PRKCH: variants seen among roughly 807,000 people sequenced by gnomAD.
PRKCH encodes the protein protein kinase C eta type.
Under a neutral mutation model 82.5 loss-of-function variants are expected in PRKCH, and 28 were observed. The ratio of observed to expected loss-of-function variants is 0.34; its 90% CI spans 0.25 to 0.47. The LOEUF is 0.47. Ranked by LOEUF, PRKCH falls within the 20% of genes least tolerant of loss-of-function variation. The pLI is 1.00. For missense variants in PRKCH, 705 were observed against 881.8 expected, an observed-to-expected ratio of 0.80 and a Z score of 2.54; for synonymous variants, 322 against 327.4, an observed-to-expected ratio of 0.98 and a Z score of 0.18.
intron 13 of PRKCH, 86 bp from the exon 14 acceptor site, chr14:61,549,599 C>A: frequency 2.8e-6 from 4 of 1,446,266 alleles, no homozygotes; most frequent in Non-Finnish European, 3.8e-6. Flanking sequence ...CTCCTCTGAA[C>A]TCACTGGAAT....
chr14:61,406,915 A>C lies in PRKCH; in HGVS notation c.427+15627A>C, dbSNP rs577840884. On this transcript the variant is annotated intron_variant, in intron 2 of 13. Transcript: ENST00000332981. The stretch of plus-strand genomic sequence containing the variant: ...GTTGGTGATGAACTCGACATCCGAG[A>C]TTTACTCTGTCAGGGGTTTGCTGTG... Among the ~76,000 whole-genome samples, 4 of 152,022 alleles carry C rather than the reference A, an allele frequency of 2.6e-5. No homozygotes were observed. In the South Asian group the frequency reaches 8.3e-4, roughly 32 times the overall value.
At chr14:61,211,502 A>C (rs2044580483) in intron 1 of PRKCH, among the ~76,000 whole-genome samples, 1 of 152,192 alleles carries the variant, frequency 6.6e-6, no homozygotes. Context: ...AAGTTCTGTT[A>C]ATTGTTATAA....
Position 61,528,973 on chromosome 14 carries a change from CGTGT to C in PRKCH, c.1434-72_1434-69del, listed in dbSNP as rs57920054. 4,029 of 565,752 alleles carry C rather than the reference CGTGT, an allele frequency of 7.1e-3. 2 individuals are homozygous for C. The highest frequency in any genetic ancestry group is 0.025 in the East Asian group (625 of 24,778). 35.0% of individuals were successfully genotyped at this position (565,752 alleles called of 1,614,324 possible). ...GCTCATGCGGCCGCATGTGGCCGCA[CGTGT>C]GTGTGTGTGTGTGTGTGTGTGTGTG... On this transcript the variant is annotated intron_variant, in intron 10 of 13. Transcript: ENST00000332981.
chr14:61,221,854 A>G (rs553223478), intron 1 of PRKCH, among the ~76,000 whole-genome samples: 19 of 152,236 alleles, frequency 1.2e-4, no homozygotes, highest in African/African-American at 3.4e-4. Context: ...CACTTGCCCA[A>G]TGGGAGAAGG....
intron 1 of PRKCH, among the ~76,000 whole-genome samples, chr14:61,349,347 C>T (rs764232674): frequency 2.0e-5 from 3 of 152,150 alleles, no homozygotes; most frequent in Non-Finnish European, 2.9e-5. Context: ...GTTTATCTTC[C>T]ATCAGTCCTG....
chr14:61,328,840 G>A (rs956632115), intron 1 of PRKCH, among the ~76,000 whole-genome samples: 2 of 151,882 alleles, frequency 1.3e-5, no homozygotes, highest in African/African-American at 4.8e-5. Flanking sequence ...AATAAAATTA[G>A]CCAGGCATGG....
chr14:61,493,197 T>C (rs1302430113), intron 10 of PRKCH, among the ~76,000 whole-genome samples: 2 of 152,170 alleles, frequency 1.3e-5, no homozygotes, highest in African/African-American at 2.4e-5. Flanking sequence ...GATGGAAACA[T>C]AGTGCTCTCT....
At chr14:61,271,758 C>A (rs2045155429) in intron 1 of PRKCH, among the ~76,000 whole-genome samples, 1 of 152,162 alleles carries the variant, frequency 6.6e-6, no homozygotes, top group African/African-American at 2.4e-5. Flanking sequence ...CAAATGGCAG[C>A]TATTTGTTTT....
At chr14:61,445,788 C>T (rs1468779734) in intron 4 of PRKCH, 62 bp downstream of exon 4, 3 of 1,497,776 alleles carry the variant, frequency 2.0e-6, no homozygotes, top group Non-Finnish European at 2.8e-6. Context: ...AATGATTATA[C>T]CAAGAGAAAA....
intron 1 of PRKCH, among the ~76,000 whole-genome samples, chr14:61,253,457 C>A (rs555040175): frequency 3.0e-4 from 45 of 152,182 alleles, no homozygotes; most frequent in African/African-American, 1.0e-3. Flanking sequence ...ACTTGGCACA[C>A]CTTGCCAGAC....
rs201763711 is a variant in PRKCH at position 61,352,954 on chromosome 14, C to T, written c.363+30490C>T. On this transcript the variant is annotated intron_variant, in intron 1 of 13. Transcript: ENST00000332981. The stretch of plus-strand genomic sequence containing the variant: ...TACATTTACTATTAAATAACACCTC[C>T]AGTGGGGGCTGGGGTGGCATCTGTA... 4.6e-5 allele frequency among the ~76,000 whole-genome samples: 7 copies of T among 152,290 alleles called. No homozygotes were observed. The East Asian group carries it at 1.2e-3, about 25-fold the overall frequency.
chr14:61,218,066 A>G (rs776904771), intron 1 of PRKCH, among the ~76,000 whole-genome samples: 1 of 152,214 alleles, frequency 6.6e-6, no homozygotes, highest in Non-Finnish European at 1.5e-5. Flanking sequence ...GTTCCCCAGC[A>G]TGCTTACCTT....
At chr14:61,397,610 C>T (rs1380940860) in intron 2 of PRKCH, among the ~76,000 whole-genome samples, 2 of 152,182 alleles carry the variant, frequency 1.3e-5, no homozygotes, top group African/African-American at 4.8e-5. Flanking sequence ...ACTTAATGAA[C>T]ACCCATTTTG....
chr14:61,347,988 T>TGCCAAGAGA (rs2046019207), intron 1 of PRKCH: 1 of 152,496 alleles, frequency 6.6e-6, no homozygotes, highest in South Asian at 2.1e-4. Context: ...TCCAAGCTGA[T>TGCCAAGAGA]TCTTCTGGGT....
intron 11 of PRKCH, among the ~76,000 whole-genome samples, chr14:61,530,105 T>TCA (rs2043026129): frequency 6.6e-6 from 1 of 152,066 alleles, no homozygotes; most frequent in Non-Finnish European, 1.5e-5. Context: ...GTGAACCCAG[T>TCA]CCCCTTTTTT....
intron 1 of PRKCH, among the ~76,000 whole-genome samples, chr14:61,214,153 G>A (rs1422601083): frequency 6.6e-6 from 1 of 152,164 alleles, no homozygotes; most frequent in Non-Finnish European, 1.5e-5. Context: ...AGTGGCCTTT[G>A]GGCTGAAAGC....
intron 1 of PRKCH, among the ~76,000 whole-genome samples, chr14:61,197,516 G>A (rs1334134967): frequency 1.3e-5 from 2 of 152,194 alleles, no homozygotes; most frequent in African/African-American, 4.8e-5. Flanking sequence ...CACATGGTGA[G>A]CGGGCTGAGT....
At chr14:61,429,693 A>G (rs1883292189) in intron 2 of PRKCH, among the ~76,000 whole-genome samples, 1 of 152,232 alleles carries the variant, frequency 6.6e-6, no homozygotes, top group Non-Finnish European at 1.5e-5. Flanking sequence ...GACGCCAGGA[A>G]AATAAAATAA....
At chr14:61,201,079 C>A (rs1213641167) in intron 1 of PRKCH, among the ~76,000 whole-genome samples, 1 of 152,086 alleles carries the variant, frequency 6.6e-6, no homozygotes, top group Non-Finnish European at 1.5e-5. Context: ...GAGAGAGAAT[C>A]CGTTTAACTG....
Sources: allele counts gnomAD v4.1 joint callset (sites outside exome capture counted in the v4.1 genomes callset), GRCh38; gene constraint gnomAD v4.1.1; transcripts MANE v1.5; gene names NCBI Gene and HGNC (gene_info 2026-07-23, HGNC 2026-07-21).